Variants in ALDH1A1 observed in about 807,000 individuals in gnomAD.
The protein encoded by ALDH1A1 is aldehyde dehydrogenase 1 family member A1.
Under a neutral mutation model 62.1 loss-of-function variants are expected in ALDH1A1, and 19 were observed. The ratio of observed to expected loss-of-function variants is 0.31; its 90% CI spans 0.21 to 0.45. The LOEUF is 0.45. Among genes scored for constraint, ALDH1A1 ranks in the 20% least tolerant of loss-of-function variants. The pLI, the probability that ALDH1A1 is intolerant of heterozygous loss-of-function variation, is 1.00. For missense variants in ALDH1A1, 521 were observed against 607.1 expected (o/e 0.86, Z 1.49); for synonymous variants, 231 against 215.9 (o/e 1.07, Z -0.61).
intron 8 of ALDH1A1, 65 bp from the exon 9 acceptor site, chr9:72,917,169 A>G: frequency 8.2e-7 from 1 of 1,218,742 alleles, no homozygotes; most frequent in Non-Finnish European, 1.0e-6. Flanking sequence ...TATGTTTCTC[A>G]GAGGCAACAT....
intron 12 of ALDH1A1, 88 bp from the exon 13 acceptor site, chr9:72,901,368 T>C: frequency 1.1e-6 from 1 of 893,586 alleles, no homozygotes; most frequent in Non-Finnish European, 1.8e-6. Context: ...AGTTTGTTCT[T>C]GTTTTACTGG....
At chr9:72,927,051 T>C in intron 5 of ALDH1A1, 65 bp downstream of exon 5, 1 of 1,163,574 alleles carries the variant, frequency 8.6e-7, no homozygotes, top group South Asian at 1.6e-5. Context: ...AGAGAAAGCT[T>C]CATCATTAGA....
intron 6 of ALDH1A1, among the ~76,000 whole-genome samples, chr9:72,924,534 T>C (rs1830181392): frequency 1.3e-5 from 2 of 152,218 alleles, no homozygotes; most frequent in African/African-American, 4.8e-5. Context: ...ATTTTTTAGT[T>C]CCTAGCTGTT....
intron 12 of ALDH1A1, among the ~76,000 whole-genome samples, chr9:72,905,558 A>C (rs1019753733): frequency 2.0e-5 from 3 of 152,144 alleles, no homozygotes; most frequent in Non-Finnish European, 1.5e-5. Flanking sequence ...TTACTTATTT[A>C]AATGGTTTAT....
Position 72,901,125 on chromosome 9 carries a change from T to C in ALDH1A1, c.*83A>G, listed in dbSNP as rs371825661. 9.4e-7 allele frequency: 1 copy of C among 1,058,886 alleles called. No individual in the cohort carries two copies. Among genetic ancestry groups the C allele is most frequent in the Non-Finnish European group, 1.4e-6 (1 of 728,646 alleles). 65.6% of individuals were successfully genotyped at this position (1,058,886 alleles called of 1,614,324 possible). Reference sequence around the variant, plus strand: ...TTTAAAAAAATCAAGAAAAGAAAAATTTTGTCTTTAAAATCTACTATATTA... The same window carrying C: ...TTTAAAAAAATCAAGAAAAGAAAAACTTTGTCTTTAAAATCTACTATATTA... On this transcript the variant is annotated 3_prime_UTR_variant, in exon 13 of 13. Coordinates refer to ENST00000297785, the MANE Select transcript of ALDH1A1 (RefSeq NM_000689.5).
At chr9:72,937,140 A>G (rs1375688869) in intron 2 of ALDH1A1, among the ~76,000 whole-genome samples, 2 of 152,178 alleles carry the variant, frequency 1.3e-5, no homozygotes, top group Non-Finnish European at 2.9e-5. Context: ...ATGTATGGAA[A>G]TTCAACACTT....
intron 12 of ALDH1A1, among the ~76,000 whole-genome samples, chr9:72,902,038 T>G (rs1271673538): frequency 6.6e-6 from 1 of 152,072 alleles, no homozygotes; most frequent in East Asian, 1.9e-4. Context: ...TTGGGCTTTT[T>G]GCAGTTGTTG....
intron 7 of ALDH1A1, among the ~76,000 whole-genome samples, chr9:72,919,751 G>A (rs1432300688): frequency 6.6e-6 from 1 of 152,120 alleles, no homozygotes; most frequent in Admixed American, 6.5e-5. Flanking sequence ...ACACACCTTT[G>A]AACAGTGGAA....
At position 72,928,908 on chromosome 9, in the gene ALDH1A1, G is replaced by A; in HGVS notation, c.426C>T (p.Gly142=). Residue 142 remains glycine (G), a synonymous_variant, in exon 4 of 13, where the codon GGC becomes GGT. Transcript: ENST00000297785. ...YCAGWADKIQ[G]RTIPIDGNFF... is the part of the protein sequence containing the mutation. ...GATACTTACCAATTGGTATTGTACG[G>A]CCCTGGATCTTGTCAGCCCAACCTG... The A allele has an allele frequency of 6.2e-7, 1 of 1,613,800 alleles. No individual in the cohort carries two copies.
At chr9:72,952,627 G>A (rs532994150) in intron 1 of ALDH1A1, among the ~76,000 whole-genome samples, 22 of 151,934 alleles carry the variant, frequency 1.4e-4, no homozygotes, top group African/African-American at 4.8e-4. Context: ...CATACATGCC[G>A]GCTATAGTGA....
In ALDH1A1 at chr9:72,931,174, GTA is replaced by G. The variant is rs752941090; in HGVS notation, c.172-157_172-156del. On this transcript the variant is annotated intron_variant, in intron 2 of 12. Transcript: ENST00000297785. ...AACACATTGCGCACATTCAACTACT[GTA>G]TGTTGGAATTACTCCTGCTGAATAA... Among the ~76,000 whole-genome samples the G allele has an allele frequency of 8.5e-4, 130 of 152,130 alleles. 1 individual carries two copies. The highest frequency in any genetic ancestry group is 6.2e-4 in the Non-Finnish European group (42 of 68,036).
chr9:72,902,399 A>G (rs1829817061), intron 12 of ALDH1A1, among the ~76,000 whole-genome samples: 1 of 152,014 alleles, frequency 6.6e-6, no homozygotes, highest in Non-Finnish European at 1.5e-5. Context: ...GTAGACAGGT[A>G]TGTAGAAGAC....
At chr9:72,917,336 A>G (rs551316658) in intron 8 of ALDH1A1, among the ~76,000 whole-genome samples, 2 of 152,116 alleles carry the variant, frequency 1.3e-5, no homozygotes, top group Non-Finnish European at 2.9e-5. Context: ...TACTATTACA[A>G]CTTTAATATG....
intron 9 of ALDH1A1, 138 bp downstream of exon 9, chr9:72,916,782 T>TAAACACC: frequency 1.6e-6 from 1 of 630,578 alleles, no homozygotes; most frequent in Non-Finnish European, 2.4e-6. Flanking sequence ...AGATTGCTTT[T>TAAACACC]AAACACCAAA....
At position 72,909,763 on chromosome 9, in the gene ALDH1A1, T is replaced by G. The variant is rs879140857; in HGVS notation, c.1201-4A>C. 1.3e-6 allele frequency: 2 copies of G among 1,598,462 alleles called. No individual in the cohort carries two copies. The highest frequency in any genetic ancestry group is 3.4e-5 in the Admixed American group (2 of 58,128). ...TTTGCTGCACTGGTCCAAAAATCTA[T>G]ACCACAAGAAATAAATAAGTAAAAA... On this transcript the variant is annotated splice_region_variant and splice_polypyrimidine_tract_variant and intron_variant, in intron 10 of 12. Transcript: ENST00000297785.
intron 12 of ALDH1A1, among the ~76,000 whole-genome samples, chr9:72,903,335 A>G (rs1288280163): frequency 1.3e-5 from 2 of 152,042 alleles, no homozygotes; most frequent in African/African-American, 4.8e-5. Flanking sequence ...GAGATGCAAA[A>G]TCAAGATTTG....
intron 2 of ALDH1A1, among the ~76,000 whole-genome samples, chr9:72,936,078 C>G (rs1263599359): frequency 6.6e-6 from 1 of 152,176 alleles, no homozygotes; most frequent in East Asian, 1.9e-4. Context: ...GACCAGCCAA[C>G]TCAGTTGGCA....
chr9:72,918,629 T>C, intron 8 of ALDH1A1, 91 bp downstream of exon 8: 1 of 322,266 alleles, frequency 3.1e-6, no homozygotes. Context: ...TTTTTTTTTT[T>C]TTTTTTTTGT....
chr9:72,940,048 C>A, intron 2 of ALDH1A1, 100 bp downstream of exon 2: 2 of 763,780 alleles, frequency 2.6e-6, no homozygotes, highest in Non-Finnish European at 4.3e-6. Flanking sequence ...ACCATATTTT[C>A]ATGGCATGTC....
Sources: gnomAD v4.1 joint callset for allele counts (sites outside exome capture counted in the v4.1 genomes callset) on GRCh38, gnomAD v4.1.1 for gene constraint, MANE v1.5 for transcripts, NCBI Gene and HGNC (gene_info 2026-07-23, HGNC 2026-07-21) for gene names.